Variants in SGCZ observed in about 807,000 individuals in gnomAD.
The protein encoded by SGCZ is zeta-sarcoglycan.
SGCZ carries 40 observed loss-of-function variants against 41.3 expected under a neutral mutation model. The ratio of observed to expected loss-of-function variants is 0.97; its 90% CI spans 0.75 to 1.26. The LOEUF is 1.26. Ranked by LOEUF, SGCZ falls within the 50% of genes most tolerant of loss-of-function variation. The probability of loss-of-function intolerance (pLI) is 0.00; values close to 1 mark genes in which losing one functional copy is unlikely to be tolerated. For synonymous variants in SGCZ, 206 were observed against 137.5 expected (o/e 1.50, Z -3.49); for missense variants, 552 against 369.8 (o/e 1.49, Z -4.04).
intron 1 of SGCZ, among the ~76,000 whole-genome samples, chr8:15,098,088 T>C (rs996038701): frequency 1.3e-5 from 2 of 151,508 alleles, no homozygotes; most frequent in African/African-American, 4.9e-5. Context: ...GCCTTGAATA[T>C]GAAGTACTGA....
intron 1 of SGCZ, among the ~76,000 whole-genome samples, chr8:15,048,279 G>A (rs1190061900): frequency 6.6e-6 from 1 of 151,898 alleles, no homozygotes; most frequent in Non-Finnish European, 1.5e-5. Context: ...CTAGATAAGT[G>A]GATCCCATGA....
At chr8:14,629,032 C>T (rs1378608087) in intron 1 of SGCZ, among the ~76,000 whole-genome samples, 1 of 152,054 alleles carries the variant, frequency 6.6e-6, no homozygotes, top group Non-Finnish European at 1.5e-5. Flanking sequence ...TTTAATTTCC[C>T]TTAATTGCCC....
chr8:14,406,637 G>A (rs1023676782), intron 2 of SGCZ, among the ~76,000 whole-genome samples: 2 of 152,162 alleles, frequency 1.3e-5, no homozygotes, highest in Non-Finnish European at 2.9e-5. Flanking sequence ...CAAGTACAGG[G>A]CAGAAGCGCC....
At chr8:14,300,947 G>A (rs1437323702) in intron 3 of SGCZ, among the ~76,000 whole-genome samples, 2 of 151,962 alleles carry the variant, frequency 1.3e-5, no homozygotes, top group Admixed American at 6.6e-5. Flanking sequence ...AGGAGGTAGA[G>A]TGAAGATGCA....
chr8:14,319,984 T>C (rs1801861909), intron 3 of SGCZ, among the ~76,000 whole-genome samples: 2 of 152,164 alleles, frequency 1.3e-5, no homozygotes, highest in African/African-American at 2.4e-5. Context: ...TTTCCTAATT[T>C]ATTTTTATTT....
At chr8:14,173,500 A>G (rs1358589407) in intron 4 of SGCZ, among the ~76,000 whole-genome samples, 2 of 152,172 alleles carry the variant, frequency 1.3e-5, no homozygotes, top group African/African-American at 4.8e-5. Flanking sequence ...AAATTCGCGT[A>G]TTATAATTCC....
intron 4 of SGCZ, among the ~76,000 whole-genome samples, chr8:14,170,778 A>C (rs1210116912): frequency 1.3e-5 from 2 of 152,256 alleles, no homozygotes; most frequent in East Asian, 3.9e-4. Context: ...AAATAGGTAC[A>C]CGTCCTTTTT....
At chr8:14,433,875 G>C (rs1278578202) in intron 2 of SGCZ, among the ~76,000 whole-genome samples, 1 of 152,162 alleles carries the variant, frequency 6.6e-6, no homozygotes, top group South Asian at 2.1e-4. Flanking sequence ...GTTTGAGAAT[G>C]ATGTTAATGT....
At chr8:14,195,654 T>A (rs1333730878) in intron 4 of SGCZ, among the ~76,000 whole-genome samples, 1 of 152,018 alleles carries the variant, frequency 6.6e-6, no homozygotes, top group Non-Finnish European at 1.5e-5. Context: ...ACAGCAGTCA[T>A]AAATAAAAGA....
intron 1 of SGCZ, among the ~76,000 whole-genome samples, chr8:15,150,163 T>A (rs1413541625): frequency 4.6e-5 from 7 of 152,202 alleles, no homozygotes; most frequent in Admixed American, 3.3e-4. Context: ...TGTCTGGATA[T>A]TTTATGAGGA....
At chr8:15,118,630 T>C (rs993321800) in intron 1 of SGCZ, among the ~76,000 whole-genome samples, 3 of 152,094 alleles carry the variant, frequency 2.0e-5, no homozygotes, top group African/African-American at 7.2e-5. Flanking sequence ...ATAATGAAGT[T>C]AATAGGTCAA....
chr8:14,845,249 G>A (rs1803059674), intron 1 of SGCZ, among the ~76,000 whole-genome samples: 1 of 152,134 alleles, frequency 6.6e-6, no homozygotes, highest in Admixed American at 6.6e-5. Context: ...ACACACAGAT[G>A]CATCTTGTCT....
rs1220636566 is a variant in SGCZ at position 14,479,739 on chromosome 8, T to TTTTTTC, written c.234+74992_234+74993insGAAAAA. Among the ~76,000 whole-genome samples the TTTTTTC allele has an allele frequency of 2.3e-3, 54 of 23,428 alleles. 1 individual carries two copies. Among genetic ancestry groups the TTTTTTC allele is most frequent in the African/African-American group, 7.0e-3 (52 of 7,458 alleles). The allele number at this position is 23,428 out of a possible 152,430, so 15.4% of individuals were successfully genotyped here. On this transcript the variant is annotated intron_variant, in intron 2 of 7. Transcript: ENST00000382080. The stretch of plus-strand genomic sequence containing the variant: ...CCTCCAGAATTCTACTTCTTTTTTT[T>TTTTTTC]TTTTTTTTTTTTTTTTTTTTTTATT...
chr8:15,132,074 G>A (rs918585239), intron 1 of SGCZ, among the ~76,000 whole-genome samples: 2 of 152,110 alleles, frequency 1.3e-5, no homozygotes, highest in Non-Finnish European at 2.9e-5. Context: ...AAAAGCCCCT[G>A]GAAATTGTTC....
chr8:14,410,573 C>T (rs956126684), intron 2 of SGCZ, among the ~76,000 whole-genome samples: 23 of 150,906 alleles, frequency 1.5e-4, no homozygotes, highest in African/African-American at 5.6e-4. Context: ...TACACATGGA[C>T]ACAGGGAGGG....
chr8:14,350,244 C>CT (rs35489045), intron 2 of SGCZ, among the ~76,000 whole-genome samples: 8,301 of 144,706 alleles, frequency 0.057, 277 homozygotes, highest in Admixed American at 0.13. Flanking sequence ...AGGAGCAAAA[C>CT]TTTTTTTTTT....
At chr8:14,798,591 A>C (rs754982449) in intron 1 of SGCZ, among the ~76,000 whole-genome samples, 8 of 152,212 alleles carry the variant, frequency 5.3e-5, no homozygotes, top group Non-Finnish European at 8.8e-5. Context: ...TCAGCACTTT[A>C]TACTGTACTA....
At chr8:15,054,526 A>G (rs544820637) in intron 1 of SGCZ, among the ~76,000 whole-genome samples, 1 of 152,302 alleles carries the variant, frequency 6.6e-6, no homozygotes, top group East Asian at 1.9e-4. Context: ...TTGACCCTTT[A>G]TTCCATGTCT....
chr8:14,452,540 G>A (rs929432637), intron 2 of SGCZ, among the ~76,000 whole-genome samples: 1 of 151,414 alleles, frequency 6.6e-6, no homozygotes, highest in Non-Finnish European at 1.5e-5. Context: ...ATACATCCTG[G>A]GCATGCATAT....
Sources: allele counts gnomAD v4.1 joint callset (sites outside exome capture counted in the v4.1 genomes callset), GRCh38; gene constraint gnomAD v4.1.1; transcripts MANE v1.5; gene names NCBI Gene and HGNC (gene_info 2026-07-23, HGNC 2026-07-21).